CSMD3: variants seen among roughly 807,000 people sequenced by gnomAD.
CSMD3 encodes CUB and sushi domain-containing protein 3.
Under a neutral mutation model 435.2 loss-of-function variants are expected in CSMD3, and 177 were observed. The observed-to-expected ratio is 0.41, with a 90% CI of 0.36 to 0.46. CSMD3 has a LOEUF of 0.46. Among genes scored for constraint, CSMD3 ranks in the 20% least tolerant of loss-of-function variants. The probability of loss-of-function intolerance (pLI) is 0.34; values close to 1 mark genes in which losing one functional copy is unlikely to be tolerated. For synonymous variants in CSMD3, 1,656 were observed against 1,520.5 expected (o/e 1.09, Z -2.07); for missense variants, 4,265 against 4,504.6 (o/e 0.95, Z 1.52).
intron 3 of CSMD3, among the ~76,000 whole-genome samples, chr8:113,261,606 G>C (rs2093428116): frequency 6.6e-6 from 1 of 152,060 alleles, no homozygotes; most frequent in Non-Finnish European, 1.5e-5. Context: ...CTTGGTTCAA[G>C]CTGAAAATTA....
intron 12 of CSMD3, 95 bp from the exon 13 acceptor site, chr8:112,800,369 G>C: frequency 1.1e-6 from 1 of 875,702 alleles, no homozygotes; most frequent in Non-Finnish European, 1.9e-6. Context: ...TACTTTCTTT[G>C]CTAGAAAAAA....
At chr8:112,427,119 G>C (rs1813141968) in intron 32 of CSMD3, among the ~76,000 whole-genome samples, 1 of 152,190 alleles carries the variant, frequency 6.6e-6, no homozygotes, top group Non-Finnish European at 1.5e-5. Context: ...GTTCACTTGT[G>C]ATTGATGGCT....
chr8:112,797,508 A>C (rs2132317651), intron 13 of CSMD3, among the ~76,000 whole-genome samples: 1 of 152,078 alleles, frequency 6.6e-6, no homozygotes, highest in South Asian at 2.1e-4. Flanking sequence ...TATGTTTAAA[A>C]TGTTAAAAAT....
At chr8:112,675,571 T>A (rs1413661851) in intron 16 of CSMD3, among the ~76,000 whole-genome samples, 3 of 152,060 alleles carry the variant, frequency 2.0e-5, no homozygotes, top group Non-Finnish European at 4.4e-5. Flanking sequence ...CATATATACA[T>A]CAGAGCCTTC....
At chr8:112,291,407 G>C in intron 56 of CSMD3, 103 bp downstream of exon 56, 1 of 832,576 alleles carries the variant, frequency 1.2e-6, no homozygotes, top group Admixed American at 2.1e-5. Flanking sequence ...AAATCAATAT[G>C]CTTCTCTGTG....
At chr8:112,777,676 C>T (rs545254983) in intron 13 of CSMD3, among the ~76,000 whole-genome samples, 8 of 151,756 alleles carry the variant, frequency 5.3e-5, no homozygotes, top group East Asian at 1.9e-4. Context: ...ATTTCCTTAT[C>T]GCTACTAGGG....
At chr8:112,836,638 T>A (rs142314612) in intron 11 of CSMD3, among the ~76,000 whole-genome samples, 2 of 152,002 alleles carry the variant, frequency 1.3e-5, no homozygotes, top group Non-Finnish European at 2.9e-5. Flanking sequence ...ATTACAACCA[T>A]CTCACAATAC....
chr8:113,317,145 T>C (rs2093916504), intron 1 of CSMD3, among the ~76,000 whole-genome samples: 1 of 152,182 alleles, frequency 6.6e-6, no homozygotes, highest in Admixed American at 6.5e-5. Context: ...ATTTTGCTCA[T>C]GCACCAAAAG....
At chr8:112,872,208 T>G (rs1028830334) in intron 10 of CSMD3, among the ~76,000 whole-genome samples, 4 of 152,048 alleles carry the variant, frequency 2.6e-5, no homozygotes, top group African/African-American at 7.2e-5. Flanking sequence ...CAATAACATT[T>G]AACTGAACAT....
intron 59 of CSMD3, among the ~76,000 whole-genome samples, chr8:112,277,914 T>A (rs5020695): frequency 0.18 from 27,424 of 152,068 alleles, 3,057 homozygotes; most frequent in Middle Eastern, 0.34. Flanking sequence ...ACTGGGTCCC[T>A]CCCACAACAC....
intron 3 of CSMD3, among the ~76,000 whole-genome samples, chr8:113,213,023 A>C (rs2092857770): frequency 6.6e-6 from 1 of 151,824 alleles, no homozygotes; most frequent in African/African-American, 2.4e-5. Context: ...GCTGTTGACT[A>C]TAACAATTTC....
At chr8:113,089,648 G>A (rs542204955) in intron 5 of CSMD3, among the ~76,000 whole-genome samples, 4 of 152,034 alleles carry the variant, frequency 2.6e-5, no homozygotes, top group Admixed American at 2.6e-4. Context: ...AAATCATCTG[G>A]TTTTATGGAC....
At chr8:112,950,911 A>T (rs1268935660) in intron 8 of CSMD3, among the ~76,000 whole-genome samples, 2 of 151,768 alleles carry the variant, frequency 1.3e-5, no homozygotes, top group African/African-American at 4.8e-5. Context: ...CACCACTTTC[A>T]CCTAATTAAT....
intron 4 of CSMD3, among the ~76,000 whole-genome samples, chr8:113,124,645 C>T (rs1273258518): frequency 6.6e-6 from 1 of 151,722 alleles, no homozygotes; most frequent in Non-Finnish European, 1.5e-5. Flanking sequence ...AGTCACAGTC[C>T]TTGAAAATAA....
chr8:112,955,240 T>A (rs1263051075), intron 7 of CSMD3, among the ~76,000 whole-genome samples: 1 of 151,696 alleles, frequency 6.6e-6, no homozygotes, highest in Admixed American at 6.6e-5. Flanking sequence ...ATTAGAAAAG[T>A]TTAAAATTTA....
In CSMD3 at chr8:112,703,580, C is replaced by T. The variant is rs140185158; in HGVS notation, c.1973-13530G>A. Among the ~76,000 whole-genome samples the T allele has an allele frequency of 1.8e-4, 28 of 152,246 alleles. No homozygotes were observed. In the East Asian group the frequency reaches 5.4e-3, roughly 29 times the overall value. ...AAGTGACATAGAACTACTCATTGAT[C>T]AATCTCTGACTTGACAACAGTTGAC... On this transcript the variant is annotated intron_variant, in intron 13 of 70. Transcript: ENST00000297405.
At chr8:112,576,918 AAG>A (rs1176489358) in intron 23 of CSMD3, among the ~76,000 whole-genome samples, 2 of 152,076 alleles carry the variant, frequency 1.3e-5, no homozygotes, top group East Asian at 1.9e-4. Flanking sequence ...GGCATGATAA[AAG>A]AGCTAGTACT....
At chr8:112,516,850 C>T (rs1414689190) in intron 28 of CSMD3, among the ~76,000 whole-genome samples, 184 bp downstream of exon 28, 1 of 152,044 alleles carries the variant, frequency 6.6e-6, no homozygotes, top group Admixed American at 6.6e-5. Flanking sequence ...AAATCATCAG[C>T]CTTTACCCCA....
At chr8:112,819,098 T>C (rs1044976953) in intron 12 of CSMD3, among the ~76,000 whole-genome samples, 1 of 152,136 alleles carries the variant, frequency 6.6e-6, no homozygotes, top group Admixed American at 6.6e-5. Flanking sequence ...TCCAGGTCCA[T>C]ATCCCACAAG....
Sources: gnomAD v4.1 joint callset for allele counts (sites outside exome capture counted in the v4.1 genomes callset) on GRCh38, gnomAD v4.1.1 for gene constraint, MANE v1.5 for transcripts, NCBI Gene and HGNC (gene_info 2026-07-23, HGNC 2026-07-21) for gene names.